The following CFH variants were observed in gnomAD, a reference collection of about 807,000 sequenced individuals.
CFH encodes the protein H factor 1 (complement).
In CFH, 53 loss-of-function variants were observed where a neutral mutation model predicts 147.3. That is an observed-to-expected ratio of 0.36 (90% CI 0.29 to 0.45). CFH has a LOEUF of 0.45. Ranked by LOEUF, CFH falls within the 20% of genes least tolerant of loss-of-function variation. CFH has a pLI of 1.00. For missense variants in CFH, 1,380 were observed against 1,498.0 expected (o/e 0.92, Z 1.30); for synonymous variants, 536 against 489.4 (o/e 1.10, Z -1.26).
At chr1:196,708,381 C>T (rs1668644553) in intron 9 of CFH, among the ~76,000 whole-genome samples, 1 of 152,186 alleles carries the variant, frequency 6.6e-6, no homozygotes, top group Non-Finnish European at 1.5e-5. Flanking sequence ...GAAATCACCA[C>T]CCCATGTGTC....
rs146074007 is a variant in CFH at position 196,679,777 on chromosome 1, G to C, written c.774G>C (p.Pro258=). 3.1e-6 allele frequency: 5 copies of C among 1,610,536 alleles called. No homozygotes were observed. Among genetic ancestry groups the C allele is most frequent in the Non-Finnish European group, 4.2e-6 (5 of 1,177,902 alleles). The part of the protein sequence containing the change: ...DAVCTESGWR[P]LPSCEEKSCD... ...TATGCACTGAATCTGGATGGCGTCC[G>C]TTGCCTTCATGTGAAGGTAATGTTA... Residue 258 remains proline (P), a synonymous_variant, in exon 6 of 22, where the codon CCG becomes CCC. Transcript: ENST00000367429.
rs1344334277 is a variant in CFH at position 196,725,201 on chromosome 1, T to C, written c.1777T>C (p.Leu593=). The change falls in exon 12 of 22, where the codon TTG becomes CTG. Residue 593 remains leucine, a synonymous_variant. Coordinates refer to ENST00000367429, the MANE Select transcript of CFH (RefSeq NM_000186.4). ...AGACCAGTATAAAGTTGGAGAGGTG[T>C]TGAAATTCTCCTGCAAACCAGGATT... ...KKDQYKVGEV[L]KFSCKPGFTI... is the part of the protein sequence containing the mutation. 1 of 1,613,818 alleles carries C rather than the reference T, an allele frequency of 6.2e-7. No homozygotes were observed. Among genetic ancestry groups the C allele is most frequent in the Admixed American group, 1.7e-5 (1 of 60,018 alleles).
intron 1 of CFH, among the ~76,000 whole-genome samples, chr1:196,662,916 T>C (rs973284201): frequency 1.3e-5 from 2 of 152,082 alleles, no homozygotes; most frequent in Non-Finnish European, 2.9e-5. Context: ...AAAACTTTAT[T>C]CTCAAAAAAT....
intron 1 of CFH, among the ~76,000 whole-genome samples, chr1:196,661,328 G>A (rs968017126): frequency 1.3e-5 from 2 of 152,042 alleles, no homozygotes; most frequent in African/African-American, 4.8e-5. Context: ...ATATGGATTT[G>A]TTCCACCATG....
In CFH at chr1:196,685,252, T is replaced by C; in HGVS notation, c.964+15T>C. The C allele has an allele frequency of 6.2e-7, 1 of 1,612,042 alleles. No homozygotes were observed. Among genetic ancestry groups the C allele is most frequent in the African/African-American group, 1.3e-5 (1 of 74,948 alleles). On this transcript the variant is annotated intron_variant, in intron 7 of 21. Transcript: ENST00000367429. ...GAGATGTACCTGTAAGTTCCATTCA[T>C]ATCTTGACCCATTTCTTAATTCTGA...
chr1:196,713,927 T>C lies in CFH; in HGVS notation c.1519+10T>C, dbSNP rs1330922084. 1 of 1,609,208 alleles carries C rather than the reference T, an allele frequency of 6.2e-7. No homozygotes were observed. The highest frequency in any genetic ancestry group is 2.2e-5 in the East Asian group (1 of 44,664). On this transcript the variant is annotated intron_variant, in intron 10 of 21. Transcript: ENST00000367429. ...CAACCCACGTGCATTAGTAAGTAAT[T>C]TATTATGTTTGTATTGATTATCCAG...
At chr1:196,681,789 G>A (rs1203909007) in intron 6 of CFH, among the ~76,000 whole-genome samples, 1 of 151,702 alleles carries the variant, frequency 6.6e-6, no homozygotes, top group Non-Finnish European at 1.5e-5. Context: ...ATATAGAGAA[G>A]TCTTTCTTAA....
At chr1:196,670,346 G>T (rs1389260089) in intron 1 of CFH, among the ~76,000 whole-genome samples, 4 of 151,998 alleles carry the variant, frequency 2.6e-5, no homozygotes, top group Non-Finnish European at 5.9e-5. Flanking sequence ...AAAGGCAAGG[G>T]GCAGAATAAT....
chr1:196,659,646 C>T (rs1158707174), intron 1 of CFH, among the ~76,000 whole-genome samples: 8 of 151,970 alleles, frequency 5.3e-5, no homozygotes, highest in Admixed American at 6.6e-5. Context: ...TGGTAACTTC[C>T]GGTTGTTGGG....
At chr1:196,739,066 G>T (rs985867577) in intron 17 of CFH, among the ~76,000 whole-genome samples, 2 of 152,244 alleles carry the variant, frequency 1.3e-5, no homozygotes, top group African/African-American at 2.4e-5. Context: ...CAAGCTGTTT[G>T]TTGGCCCCTT....
intron 7 of CFH, among the ~76,000 whole-genome samples, chr1:196,686,881 A>T (rs900680424): frequency 3.3e-5 from 5 of 152,090 alleles, no homozygotes; most frequent in Non-Finnish European, 7.4e-5. Context: ...AATTTCATTA[A>T]ATAACCATAT....
rs765636239 is a variant in CFH at position 196,726,581 on chromosome 1, G to T, written c.1985G>T (p.Arg662Ile). 1.2e-5 allele frequency: 20 copies of T among 1,612,664 alleles called. No homozygotes were observed. The highest frequency in any genetic ancestry group is 3.3e-5 in the South Asian group (3 of 91,070). Residue 662 changes from arginine (R) to isoleucine (I), a missense_variant, in exon 13 of 22, where the codon AGA (arginine) becomes ATA (isoleucine). By Grantham distance (97) the Arg-to-Ile change is moderately conservative. Around this residue, in one of 4 missense-constraint regions of CFH, gnomAD observed 830 missense variants for 821.4 expected, o/e 1.01. Coordinates refer to ENST00000367429, the MANE Select transcript of CFH (RefSeq NM_000186.4). ...SEVVEYYCNP[R>I]FLMKGPNKIQ... Reference sequence around the variant, plus strand: ...GTGGTGGAATATTATTGCAATCCTAGATTTCTAATGAAGGGACCTAATAAA... The same window carrying T: ...GTGGTGGAATATTATTGCAATCCTATATTTCTAATGAAGGGACCTAATAAA...
intron 1 of CFH, among the ~76,000 whole-genome samples, chr1:196,669,329 A>G (rs1667198143): frequency 6.6e-6 from 1 of 152,218 alleles, no homozygotes; most frequent in Non-Finnish European, 1.5e-5. Flanking sequence ...CTGTGTAAGG[A>G]ATGAGGAGCC....
At chr1:196,702,643 A>T (rs986103976) in intron 9 of CFH, among the ~76,000 whole-genome samples, 1 of 152,090 alleles carries the variant, frequency 6.6e-6, no homozygotes, top group Non-Finnish European at 1.5e-5. Flanking sequence ...ACTTCAGAGA[A>T]ACAAAGAATG....
rs537160602 is a variant in CFH, at chr1:196,673,849, C to T, written c.245-8C>T. On this transcript the variant is annotated splice_region_variant and splice_polypyrimidine_tract_variant and intron_variant, in intron 2 of 21. Coordinates refer to ENST00000367429, the MANE Select transcript of CFH (RefSeq NM_000186.4). ...CATACTAATTCATAACTTTTTTTTT[C>T]GTTTTAGAAAGGCCCTGTGGACATC... is the stretch of plus-strand genomic sequence containing the variant. 171 of 1,510,664 alleles carry T rather than the reference C, an allele frequency of 1.1e-4. No homozygotes were observed. The Middle Eastern group carries it at 1.4e-3, about 12-fold the overall frequency. 93.6% of individuals were successfully genotyped at this position (1,510,664 alleles called of 1,614,324 possible).
intron 9 of CFH, among the ~76,000 whole-genome samples, chr1:196,692,165 T>A (rs1354202500): frequency 2.0e-5 from 3 of 152,190 alleles, no homozygotes; most frequent in Admixed American, 1.3e-4. Flanking sequence ...AATCTCACTC[T>A]GTCACCCAGG....
chr1:196,681,224 A>G (rs918338074), intron 6 of CFH, among the ~76,000 whole-genome samples: 1 of 151,856 alleles, frequency 6.6e-6, no homozygotes, highest in Non-Finnish European at 1.5e-5. Flanking sequence ...GCAATAAACC[A>G]TCATTCCAGC....
chr1:196,669,192 G>T (rs188603268), intron 1 of CFH, among the ~76,000 whole-genome samples: 5 of 152,100 alleles, frequency 3.3e-5, no homozygotes, highest in Non-Finnish European at 7.4e-5. Flanking sequence ...GAGAAAGTTG[G>T]TCTGAAATTG....
chr1:196,733,002 C>A (rs1669314973), intron 15 of CFH, among the ~76,000 whole-genome samples: 1 of 151,942 alleles, frequency 6.6e-6, no homozygotes, highest in African/African-American at 2.4e-5. Context: ...GATGTAGGGC[C>A]TTTCAGGAAT....
Sources: allele counts gnomAD v4.1 joint callset (sites outside exome capture counted in the v4.1 genomes callset), GRCh38; gene constraint gnomAD v4.1.1; regional missense constraint gnomAD v4.1.1; transcripts MANE v1.5; gene names NCBI Gene and HGNC (gene_info 2026-07-23, HGNC 2026-07-21).